Variants in COL4A1 observed in about 807,000 individuals in gnomAD.
The protein encoded by COL4A1 is collagen alpha-1(IV) chain.
Under a neutral mutation model 216.6 loss-of-function variants are expected in COL4A1, and 40 were observed. That is an observed-to-expected ratio of 0.18 (90% CI 0.14 to 0.24). The LOEUF is 0.24. COL4A1 is among the 10% of genes least tolerant of loss of function. The probability of loss-of-function intolerance (pLI) is 1.00; values close to 1 mark genes in which losing one functional copy is unlikely to be tolerated. For missense variants in COL4A1, 1,628 were observed against 2,196.8 expected (o/e 0.74, Z 5.18); for synonymous variants, 839 against 810.7 (o/e 1.03, Z -0.59).
chr13:110,270,983 C>T (rs1883226426), intron 1 of COL4A1, among the ~76,000 whole-genome samples: 3 of 152,206 alleles, frequency 2.0e-5, no homozygotes, highest in Non-Finnish European at 4.4e-5. Context: ...AATGACAGCA[C>T]GTGTCACAAA....
At chr13:110,190,795 A>G (rs1188225394) in intron 24 of COL4A1, 2 of 152,242 alleles carry the variant, frequency 1.3e-5, no homozygotes, top group African/African-American at 4.8e-5. Flanking sequence ...CTCCGGAAAG[A>G]AAGGAGCTCC....
At chr13:110,291,691 C>T (rs1884096027) in intron 1 of COL4A1, among the ~76,000 whole-genome samples, 1 of 152,208 alleles carries the variant, frequency 6.6e-6, no homozygotes, top group African/African-American at 2.4e-5. Context: ...AGAAACACCT[C>T]TCCTGTGACC....
chr13:110,173,712 C>A (rs1357951304), intron 40 of COL4A1, among the ~76,000 whole-genome samples, 188 bp downstream of exon 40: 1 of 152,032 alleles, frequency 6.6e-6, no homozygotes. Context: ...AATAAATACC[C>A]CTTCCCTTCT....
chr13:110,175,152 C>T, intron 37 of COL4A1, 66 bp downstream of exon 37: 1 of 1,588,912 alleles, frequency 6.3e-7, no homozygotes, highest in Non-Finnish European at 8.6e-7. Context: ...ATTTGCTGAG[C>T]ATTTCTCAGG....
chr13:110,213,995 C>T lies in COL4A1; in HGVS notation c.165G>A (p.Gly55=), dbSNP rs767323610. 2 of 1,614,060 alleles carry T rather than the reference C, an allele frequency of 1.2e-6. No homozygotes were observed. The highest frequency in any genetic ancestry group is 2.2e-5 in the South Asian group (2 of 91,086). The change falls in exon 3 of 52, where the codon GGG becomes GGA. Residue 55 remains glycine (G), a synonymous_variant. Coordinates refer to ENST00000375820, the MANE Select transcript of COL4A1 (RefSeq NM_001845.6). The part of the protein sequence containing the change: ...KGQKGERGLP[G]LQGVIGFPGM... The stretch of plus-strand genomic sequence containing the variant: ...CAGGAAACCCAATGACACCTTGTAA[C>T]CCCGGGAGGCCTCTTTCACCCTACA...
chr13:110,205,811 C>T (rs985977842), intron 15 of COL4A1, among the ~76,000 whole-genome samples: 23 of 151,160 alleles, frequency 1.5e-4, no homozygotes, highest in African/African-American at 2.9e-4. Context: ...TGCAGTGAGC[C>T]GAGATCACAC....
intron 1 of COL4A1, among the ~76,000 whole-genome samples, chr13:110,248,215 C>T (rs1566411613): frequency 2.6e-5 from 4 of 152,202 alleles, no homozygotes; most frequent in Admixed American, 2.6e-4. Context: ...CCCTACCCAA[C>T]TAAATAAGCG....
chr13:110,211,852 A>C lies in COL4A1; in HGVS notation c.441+17T>G. ...AACTAAAAGAAAGAAGTTCTGCCCT[A>C]AATAACCTCTACTCACGGGATTTCC... is the stretch of plus-strand genomic sequence containing the variant. On this transcript the variant is annotated intron_variant, in intron 7 of 51. Coordinates refer to ENST00000375820, the MANE Select transcript of COL4A1 (RefSeq NM_001845.6). This position sits in a 1 kb window ranked among gnomAD's most constrained non-coding sequence, Gnocchi z 4.3. 1.9e-6 allele frequency: 3 copies of C among 1,613,892 alleles called. No individual in the cohort carries two copies. The highest frequency in any genetic ancestry group is 1.7e-6 in the Non-Finnish European group (2 of 1,179,782).
chr13:110,192,838 C>G lies in COL4A1; in HGVS notation c.1457G>C (p.Gly486Ala). The change falls in exon 23 of 52, where the codon GGA becomes GCA. Residue 486 changes from glycine (G) to alanine (A), a missense_variant. Gly to Ala is a moderately conservative substitution (Grantham distance 60). Around this residue, in one of 8 missense-constraint regions of COL4A1, gnomAD observed 701 missense variants for 892.5 expected, o/e 0.79. Transcript: ENST00000375820. ...RGPPGPQGPP[G>A]EIGFPGQPGA... Reference sequence around the variant, plus strand: ...TCACATGTGGGTCTTACCTATTTCTCCCGGGGGTCCCTGTGGCCCGGGAGG... The same window carrying G: ...TCACATGTGGGTCTTACCTATTTCTGCCGGGGGTCCCTGTGGCCCGGGAGG... 1 of 1,614,030 alleles carries G rather than the reference C, an allele frequency of 6.2e-7. No individual in the cohort carries two copies. Among genetic ancestry groups the G allele is most frequent in the Non-Finnish European group, 8.5e-7 (1 of 1,179,934 alleles).
At chr13:110,215,415 G>A (rs542241397) in intron 2 of COL4A1, among the ~76,000 whole-genome samples, 1 of 152,090 alleles carries the variant, frequency 6.6e-6, no homozygotes, top group Non-Finnish European at 1.5e-5. Flanking sequence ...GCAAAAATTA[G>A]TTGGGTGTAG....
At chr13:110,291,536 A>T (rs1884089150) in intron 1 of COL4A1, among the ~76,000 whole-genome samples, 1 of 152,210 alleles carries the variant, frequency 6.6e-6, no homozygotes, top group Non-Finnish European at 1.5e-5. Context: ...CAGCCCTGCG[A>T]GGCTGGCCAC....
At chr13:110,265,842 T>A (rs1043820191) in intron 1 of COL4A1, 6 of 152,204 alleles carry the variant, frequency 3.9e-5, no homozygotes, top group Non-Finnish European at 7.3e-5. Flanking sequence ...GCCAGGGCCA[T>A]TCTTTATCCC....
intron 1 of COL4A1, among the ~76,000 whole-genome samples, chr13:110,301,961 G>A (rs530514444): frequency 6.6e-6 from 1 of 152,328 alleles, no homozygotes; most frequent in South Asian, 2.1e-4. Flanking sequence ...TTAGGGAATT[G>A]AGGGCAATTA....
At chr13:110,150,580 G>C in intron 51 of COL4A1, 136 bp from the exon 52 acceptor site, 2 of 838,384 alleles carry the variant, frequency 2.4e-6, no homozygotes, top group Non-Finnish European at 3.9e-6. Flanking sequence ...GTACCACCCA[G>C]TGAGCAGGCA....
chr13:110,222,913 T>A (rs1397442568), intron 2 of COL4A1, among the ~76,000 whole-genome samples: 2 of 152,010 alleles, frequency 1.3e-5, no homozygotes, highest in African/African-American at 4.8e-5. Context: ...CACTTTGATA[T>A]GGCCTAAAAG....
chr13:110,192,478 C>G (rs1191875005), intron 23 of COL4A1, among the ~76,000 whole-genome samples, 194 bp from the exon 24 acceptor site: 1 of 152,152 alleles, frequency 6.6e-6, no homozygotes, highest in Non-Finnish European at 1.5e-5. Context: ...CACATGTACA[C>G]CCGGAAGCAG....
At position 110,205,418 on chromosome 13, in the gene COL4A1, G is replaced by C; in HGVS notation, c.904-12C>G. On this transcript the variant is annotated splice_polypyrimidine_tract_variant and intron_variant, in intron 16 of 51. Transcript: ENST00000375820. ...TCACCAGGAAAACCCTGAAACCGAA[G>C]AGAGAAGCAGTAACCGTCAGAGGCC... 1 of 1,613,706 alleles carries C rather than the reference G, an allele frequency of 6.2e-7. No homozygotes were observed. The highest frequency in any genetic ancestry group is 1.1e-5 in the South Asian group (1 of 91,078).
At chr13:110,204,212 A>G (rs1256819706) in intron 17 of COL4A1, among the ~76,000 whole-genome samples, 1 of 152,230 alleles carries the variant, frequency 6.6e-6, no homozygotes, top group Non-Finnish European at 1.5e-5. Flanking sequence ...CGTCATCGTA[A>G]TGATTTAAAC....
At chr13:110,164,296 GCTTA>G (rs1283456950) in intron 46 of COL4A1, among the ~76,000 whole-genome samples, 1 of 152,164 alleles carries the variant, frequency 6.6e-6, no homozygotes, top group Non-Finnish European at 1.5e-5. Flanking sequence ...AGCCTGGCTA[GCTTA>G]TTCTTAAGTA....
Sources: allele counts gnomAD v4.1 joint callset (sites outside exome capture counted in the v4.1 genomes callset), GRCh38; gene constraint gnomAD v4.1.1; regional missense constraint gnomAD v4.1.1; non-coding constraint Gnocchi (gnomAD v3.1); transcripts MANE v1.5; gene names NCBI Gene and HGNC (gene_info 2026-07-23, HGNC 2026-07-21).